Variants in NAE1 observed in about 807,000 individuals in gnomAD.
NAE1 encodes the protein NEDD8-activating enzyme E1 regulatory subunit.
Under a neutral mutation model 88.0 loss-of-function variants are expected in NAE1, and 59 were observed. The ratio of observed to expected loss-of-function variants is 0.67; its 90% CI spans 0.54 to 0.83. NAE1 has a LOEUF of 0.83. NAE1 is among the 40% of genes least tolerant of loss of function. The pLI is 0.00. For synonymous variants in NAE1, 186 were observed against 208.9 expected (o/e 0.89, Z 0.95); for missense variants, 554 against 632.8 (o/e 0.88, Z 1.34).
chr16:66,817,471 G>A lies in NAE1; in HGVS notation c.638C>T (p.Pro213Leu). ...HMEKKDHSHT[P>L]WIVIIAKYLA... ...ATATTTAGCTATGATCACAATCCATGGAGTATGACTGTGGTCCTAAAAATG... is the reference window on the plus strand; with the variant it reads ...ATATTTAGCTATGATCACAATCCATAGAGTATGACTGTGGTCCTAAAAATG... Residue 213 changes from proline (P) to leucine (L), a missense_variant, in exon 9 of 20, where the codon CCA becomes CTA. Coordinates refer to ENST00000290810, the MANE Select transcript of NAE1 (RefSeq NM_003905.4). 6.3e-7 allele frequency: 1 copy of A among 1,587,888 alleles called. No individual in the cohort carries two copies. Among genetic ancestry groups the A allele is most frequent in the Non-Finnish European group, 8.6e-7 (1 of 1,168,944 alleles).
chr16:66,823,097 A>G, intron 6 of NAE1, 130 bp downstream of exon 6: 1 of 449,972 alleles, frequency 2.2e-6, no homozygotes, highest in Non-Finnish European at 3.7e-6. Context: ...AAAAAAAAAA[A>G]GTTTCATATT....
intron 9 of NAE1, 55 bp from the exon 10 acceptor site, chr16:66,817,083 T>C (rs760107042): frequency 2.6e-5 from 40 of 1,547,686 alleles, no homozygotes; most frequent in African/African-American, 1.8e-4. Flanking sequence ...AATACAGAAA[T>C]TGAAAGTCTA....
chr16:66,827,627 G>A (rs888520376), intron 1 of NAE1: 13 of 204,368 alleles, frequency 6.4e-5, no homozygotes, highest in East Asian at 1.2e-4. Context: ...TTAAGATCTC[G>A]ACATAGGGCT....
chr16:66,817,004 A>C lies in NAE1; in HGVS notation c.709T>G (p.Tyr237Asp), dbSNP rs201659718. The change falls in exon 10 of 20, where the codon TAT becomes GAT. Residue 237 changes from tyrosine to aspartate, a missense_variant. By Grantham distance (160) the Tyr-to-Asp change is radical. Transcript: ENST00000290810. ...TCTCTGAAGTCCTCTTTTTCTTTAT[A>C]CGTTTTAGGTATTCGTCCATTTGTC... ...SETNGRIPKTYKEKEDFRDLI... is the reference protein window; with the variant it reads ...SETNGRIPKTDKEKEDFRDLI... 1.7e-5 allele frequency: 27 copies of C among 1,599,226 alleles called. No homozygotes were observed. The Admixed American group carries it at 2.7e-4, about 16-fold the overall frequency.
intron 11 of NAE1, among the ~76,000 whole-genome samples, chr16:66,814,402 A>G (rs1959948522): frequency 1.3e-5 from 2 of 151,956 alleles, no homozygotes; most frequent in East Asian, 3.9e-4. Flanking sequence ...ACCAACCTGA[A>G]CAAAACAGGA....
At chr16:66,819,781 G>A (rs1378534716) in intron 7 of NAE1, among the ~76,000 whole-genome samples, 2 of 152,144 alleles carry the variant, frequency 1.3e-5, no homozygotes, top group Non-Finnish European at 2.9e-5. Flanking sequence ...CCTTATAAAG[G>A]TTTTGGAAAG....
chr16:66,803,017 G>A lies in NAE1; in HGVS notation c.1597C>T (p.Gln533Ter). The change falls in exon 20 of 20, where the codon CAG (glutamine) becomes TAG (stop). Residue 533 changes from glutamine to a stop codon, truncating the protein, a stop_gained. Transcript: ENST00000290810. LOFTEE classifies it high-confidence loss of function. ...TAAGGTGCTTGCTTACTCTACAACT[G>A]GAAAGTTGCTGAAGTTTGTGACATG... ...SGMSQTSATF[Q>*]L 6.3e-7 allele frequency: 1 copy of A among 1,593,574 alleles called. No homozygotes were observed. The highest frequency in any genetic ancestry group is 8.6e-7 in the Non-Finnish European group (1 of 1,161,698).
chr16:66,819,353 C>G (rs1410060792), intron 7 of NAE1, among the ~76,000 whole-genome samples: 1 of 152,160 alleles, frequency 6.6e-6, no homozygotes, highest in Non-Finnish European at 1.5e-5. Context: ...ATCAGTAACT[C>G]CCCACTTCCT....
intron 1 of NAE1, 113 bp downstream of exon 1, chr16:66,830,734 C>CGA: frequency 9.4e-7 from 1 of 1,061,672 alleles, no homozygotes; most frequent in Admixed American, 2.8e-5. Context: ...CGGCCCGGCC[C>CGA]AGCCTGGAAG....
intron 19 of NAE1, among the ~76,000 whole-genome samples, chr16:66,804,848 G>C (rs955884346): frequency 1.3e-4 from 20 of 151,870 alleles, no homozygotes; most frequent in Admixed American, 2.0e-4. Flanking sequence ...AGAAGAGAGA[G>C]CTGCCTATGA....
chr16:66,810,729 G>A lies in NAE1; in HGVS notation c.1078C>T (p.His360Tyr). The change falls in exon 14 of 20, where the codon CAT becomes TAT. Residue 360 changes from histidine (H) to tyrosine (Y), a missense_variant. Transcript: ENST00000290810. ...ATGGACTGCAGCAATTTGGCAACAT[G>A]ATTACCCACAGCGGCAGCATCTTTC... ...AKKDAAAVGN[H>Y]VAKLLQSIGQ... 5.0e-6 allele frequency: 8 copies of A among 1,614,158 alleles called. No homozygotes were observed. Among genetic ancestry groups the A allele is most frequent in the Non-Finnish European group, 6.8e-6 (8 of 1,180,034 alleles).
In NAE1 at chr16:66,826,896, A is replaced by G. The variant is rs1380506500; in HGVS notation, c.54-116T>C. The G allele has an allele frequency of 6.7e-6, 6 of 892,110 alleles. No homozygotes were observed. The African/African-American group carries it at 6.7e-5, about 10-fold the overall frequency. The allele number at this position is 892,110 out of a possible 1,614,324, so 55.3% of individuals were successfully genotyped here. A position where few individuals can be genotyped will look rare whatever the true frequency, so the allele number is the denominator to read the frequency against. On this transcript the variant is annotated intron_variant, in intron 1 of 19. Transcript: ENST00000290810. Reference sequence around the variant, plus strand: ...TAGACTGATATGATAACCACAGAATACAGGTAAGACGGGAACAGATATTAG... The same window carrying G: ...TAGACTGATATGATAACCACAGAATGCAGGTAAGACGGGAACAGATATTAG...
chr16:66,818,502 A>C (rs764839978), intron 8 of NAE1, 26 bp downstream of exon 8: 1 of 1,559,808 alleles, frequency 6.4e-7, no homozygotes, highest in Non-Finnish European at 8.7e-7. Flanking sequence ...TCTATCTGTA[A>C]ATGTAAGGTC....
At chr16:66,806,488 A>G (rs966466753) in intron 17 of NAE1, among the ~76,000 whole-genome samples, 2 of 151,890 alleles carry the variant, frequency 1.3e-5, no homozygotes, top group African/African-American at 4.8e-5. Context: ...GCAGTGGTGC[A>G]GTCTCGGCTC....
intron 1 of NAE1, among the ~76,000 whole-genome samples, chr16:66,830,268 A>G (rs1960641128): frequency 6.6e-6 from 1 of 151,998 alleles, no homozygotes; most frequent in Non-Finnish European, 1.5e-5. Context: ...AAAAACAAAA[A>G]TAAAAATAAA....
intron 1 of NAE1, among the ~76,000 whole-genome samples, chr16:66,830,046 C>G (rs1219407898): frequency 6.6e-6 from 1 of 152,108 alleles, no homozygotes; most frequent in Non-Finnish European, 1.5e-5. Flanking sequence ...CCACCACGCC[C>G]AGCTAATTTC....
At position 66,803,047 on chromosome 16, in the gene NAE1, T is replaced by C. The variant is rs773139409; in HGVS notation, c.1567A>G (p.Ser523Gly). Residue 523 changes from serine to glycine, a missense_variant, in exon 20 of 20, where the codon AGT (serine) becomes GGT (glycine). By Grantham distance (56) the Ser-to-Gly change is moderately conservative. Transcript: ENST00000290810. ...GTTGCTGAAGTTTGTGACATGCCAC[T>C]GTAAATGTAAGTATTATTAAAAATT... Reference protein sequence around the residue: ...FVIFNNTYIYSGMSQTSATFQ... With the variant: ...FVIFNNTYIYGGMSQTSATFQ... The C allele has an allele frequency of 6.2e-7, 1 of 1,612,290 alleles. No homozygotes were observed. The highest frequency in any genetic ancestry group is 8.5e-7 in the Non-Finnish European group (1 of 1,178,602).
Position 66,830,976 on chromosome 16 carries a change from T to C in NAE1, c.-77A>G, listed in dbSNP as rs954369407. 9 of 1,342,800 alleles carry C rather than the reference T, an allele frequency of 6.7e-6. No homozygotes were observed. The highest frequency in any genetic ancestry group is 8.8e-6 in the Non-Finnish European group (9 of 1,018,606). The allele number at this position is 1,342,800 out of a possible 1,614,324, so 83.2% of individuals were successfully genotyped here. ...CAGCTCCACAAGCGCGCAGGCGCAC[T>C]GAGCGCCCCTTCGCCGCTACCGTCT... On this transcript the variant is annotated 5_prime_UTR_variant, in exon 1 of 20. Coordinates refer to ENST00000290810, the MANE Select transcript of NAE1 (RefSeq NM_003905.4).
Position 66,816,671 on chromosome 16 carries a change from T to G in NAE1, c.750A>C (p.Gly250=). 2 of 1,602,214 alleles carry G rather than the reference T, an allele frequency of 1.2e-6. No individual in the cohort carries two copies. Among genetic ancestry groups the G allele is most frequent in the African/African-American group, 1.3e-5 (1 of 74,676 alleles). Residue 250 remains glycine (G), a splice_region_variant and synonymous_variant, in exon 11 of 20, where the codon GGA becomes GGC. Transcript: ENST00000290810. ...GAGCCCCATTTTCATTTTTTAGAATTCCTATTGTAATGGGAAATTGTTAGC... is the reference window on the plus strand; with the variant it reads ...GAGCCCCATTTTCATTTTTTAGAATGCCTATTGTAATGGGAAATTGTTAGC... ...KEDFRDLIRQ[G]ILKNENGAPE...
Sources: gnomAD v4.1 joint callset for allele counts (sites outside exome capture counted in the v4.1 genomes callset) on GRCh38, gnomAD v4.1.1 for gene constraint, MANE v1.5 for transcripts, NCBI Gene and HGNC (gene_info 2026-07-23, HGNC 2026-07-21) for gene names.